The following KAZN variants were observed in gnomAD, a reference collection of about 807,000 sequenced individuals.
KAZN encodes kazrin, periplakin interacting protein, also known as kazrin.
In KAZN, 40 loss-of-function variants were observed where a neutral mutation model predicts 87.4. The observed-to-expected ratio is 0.46, with a 90% CI of 0.36 to 0.60. The LOEUF is 0.60. Ranked by LOEUF, KAZN falls within the 20% of genes least tolerant of loss-of-function variation. The probability of loss-of-function intolerance (pLI) is 0.00; values close to 1 mark genes in which losing one functional copy is unlikely to be tolerated. For synonymous variants in KAZN, 466 were observed against 458.3 expected, an observed-to-expected ratio of 1.02 and a Z score of -0.22; for missense variants, 898 against 1,073.9, an observed-to-expected ratio of 0.84 and a Z score of 2.29.
intron 8 of KAZN, among the ~76,000 whole-genome samples, chr1:15,079,665 C>A (rs1639908586): frequency 6.6e-6 from 1 of 152,098 alleles, no homozygotes; most frequent in South Asian, 2.1e-4. Flanking sequence ...AAGATCCCCC[C>A]CTCACTTCTC....
At chr1:14,303,162 A>G (rs1298295087) in intron 2 of KAZN, among the ~76,000 whole-genome samples, 1 of 152,158 alleles carries the variant, frequency 6.6e-6, no homozygotes, top group Non-Finnish European at 1.5e-5. Flanking sequence ...GTGTTTCACA[A>G]AGTGTGGTCT....
intron 2 of KAZN, among the ~76,000 whole-genome samples, chr1:14,574,616 C>T (rs527848875): frequency 1.3e-5 from 2 of 152,322 alleles, no homozygotes; most frequent in South Asian, 2.1e-4. Flanking sequence ...GACCATTAAA[C>T]CTCTTTTTCT....
chr1:14,632,995 C>A (rs898025207), intron 1 of KAZN, among the ~76,000 whole-genome samples: 1 of 152,096 alleles, frequency 6.6e-6, no homozygotes, highest in Non-Finnish European at 1.5e-5. Context: ...CGGCTCACTG[C>A]AACTTCCGCC....
intron 1 of KAZN, among the ~76,000 whole-genome samples, chr1:14,829,622 A>G (rs60865405): frequency 0.076 from 11,596 of 152,236 alleles, 942 homozygotes; most frequent in African/African-American, 0.2. Context: ...TCCTGTGTGC[A>G]TGTGTTTATT....
chr1:14,377,978 C>T (rs1661050857), intron 2 of KAZN, among the ~76,000 whole-genome samples: 1 of 152,240 alleles, frequency 6.6e-6, no homozygotes, highest in Non-Finnish European at 1.5e-5. Flanking sequence ...CTGACAACCA[C>T]TGGCTTAAAT....
At chr1:14,868,711 G>T (rs1005620921) in intron 1 of KAZN, among the ~76,000 whole-genome samples, 1 of 151,810 alleles carries the variant, frequency 6.6e-6, no homozygotes, top group Non-Finnish European at 1.5e-5. Context: ...AGGCATGGTG[G>T]CGTGTGCCTG....
intron 8 of KAZN, among the ~76,000 whole-genome samples, chr1:15,070,790 G>A (rs1315430418): frequency 2.6e-5 from 4 of 152,170 alleles, no homozygotes; most frequent in East Asian, 1.9e-4. Flanking sequence ...GCAATGAGCC[G>A]AGATCGAGCC....
Position 14,485,720 on chromosome 1 carries a change from C to T in KAZN, c.250-113263C>T, listed in dbSNP as rs143103664. Among the ~76,000 whole-genome samples the T allele has an allele frequency of 6.5e-4, 99 of 152,072 alleles. 1 individual carries two copies. The East Asian group carries it at 0.018, about 28-fold the overall frequency. On this transcript the variant is annotated intron_variant, in intron 2 of 16. Coordinates refer to the KAZN transcript ENST00000636203. Reference sequence around the variant, plus strand: ...CCAGCCTGACCAACATGGTGAAACCCTGTCTCCACTAAAAATACAAAAATT... The same window carrying T: ...CCAGCCTGACCAACATGGTGAAACCTTGTCTCCACTAAAAATACAAAAATT...
intron 1 of KAZN, among the ~76,000 whole-genome samples, chr1:14,133,494 A>G (rs1224858924): frequency 2.0e-5 from 3 of 152,064 alleles, no homozygotes; most frequent in Non-Finnish European, 2.9e-5. Flanking sequence ...TTTCTCCTCT[A>G]TTATCTAGTA....
At chr1:14,447,971 T>G (rs926395725) in intron 2 of KAZN, among the ~76,000 whole-genome samples, 8 of 152,230 alleles carry the variant, frequency 5.3e-5, no homozygotes, top group African/African-American at 1.9e-4. Flanking sequence ...GACCAGGAGC[T>G]GCAGGATAGC....
intron 2 of KAZN, among the ~76,000 whole-genome samples, chr1:14,393,064 G>GCT (rs762209754): frequency 5.3e-5 from 8 of 152,156 alleles, no homozygotes; most frequent in Non-Finnish European, 1.0e-4. Flanking sequence ...TTCTCTGCTG[G>GCT]CTCATTTGTG....
chr1:14,624,029 G>A (rs1193508482), intron 1 of KAZN, among the ~76,000 whole-genome samples: 1 of 152,192 alleles, frequency 6.6e-6, no homozygotes, highest in Non-Finnish European at 1.5e-5. Context: ...AATAGTGTGT[G>A]CTAAAAATAT....
At chr1:15,041,085 A>C (rs960217576) in intron 3 of KAZN, among the ~76,000 whole-genome samples, 5 of 150,176 alleles carry the variant, frequency 3.3e-5, no homozygotes, top group Middle Eastern at 3.5e-3. Flanking sequence ...GGAGTAGCTG[A>C]GAATACAAGC....
rs1393018867 is a variant in KAZN at position 13,924,817 on chromosome 1, T to C, written c.91+31061T>C. Among the ~76,000 whole-genome samples the C allele has an allele frequency of 4.6e-5, 7 of 152,342 alleles. 1 individual carries two copies. The South Asian group carries it at 1.4e-3, about 32-fold the overall frequency. The stretch of plus-strand genomic sequence containing the variant: ...TAAAACGAAGCTGTGTCTGACCACC[T>C]TGGGCACATGTCGTCAGGATCCCCT... On this transcript the variant is annotated intron_variant, in intron 1 of 16. Transcript: ENST00000636203.
In KAZN at chr1:14,996,365, G is replaced by C. The variant is rs1298180741; in HGVS notation, c.418+35490G>C. Among the ~76,000 whole-genome samples, 1 of 152,094 alleles carries C rather than the reference G, an allele frequency of 6.6e-6. No individual in the cohort carries two copies. The highest frequency in any genetic ancestry group is 2.4e-5 in the African/African-American group (1 of 41,420). ...CCTGACACTGGATTTTAACATATTG[G>C]GTTGCTTGGCTGTCCCGGCACATCA... On this transcript the variant is annotated intron_variant, in intron 2 of 14. Coordinates refer to ENST00000376030, the MANE Select transcript of KAZN (RefSeq NM_201628.3). The surrounding 1 kb of genome is among the most constrained non-coding windows in gnomAD (Gnocchi z 5.9).
chr1:15,009,164 C>T lies in KAZN; in HGVS notation c.419-25585C>T, dbSNP rs116553961. ...AGCCTACTGCCCGGGCACTGACTCC[C>T]CAGGTGGCATCCTGGGCACGTCCTG... is the stretch of plus-strand genomic sequence containing the variant. On this transcript the variant is annotated intron_variant, in intron 2 of 14. Transcript: ENST00000376030. Among the ~76,000 whole-genome samples the T allele has an allele frequency of 5.3e-3, 807 of 152,314 alleles. 5 individuals are homozygous for T. The highest frequency in any genetic ancestry group is 0.019 in the African/African-American group (776 of 41,570).
chr1:14,943,025 T>G lies in KAZN; in HGVS notation c.227-17659T>G, dbSNP rs1418677043. 4.8e-3 allele frequency among the ~76,000 whole-genome samples: 659 copies of G among 136,240 alleles called. 44 individuals carry two copies. The highest frequency in any genetic ancestry group is 0.021 in the African/African-American group (617 of 29,876). 89.4% of individuals were successfully genotyped at this position (136,240 alleles called of 152,430 possible). ...TGTGTGTGGTGTGTGTGTGTGTGTGTGTGTGTGTGTGTGTGTGTGTGTGTG... is the reference window on the plus strand; with the variant it reads ...TGTGTGTGGTGTGTGTGTGTGTGTGGGTGTGTGTGTGTGTGTGTGTGTGTG... On this transcript the variant is annotated intron_variant, in intron 1 of 14. Coordinates refer to ENST00000376030, the MANE Select transcript of KAZN (RefSeq NM_201628.3).
At chr1:13,915,254 T>C (rs182236221) in intron 1 of KAZN, among the ~76,000 whole-genome samples, 12 of 152,314 alleles carry the variant, frequency 7.9e-5, no homozygotes, top group Non-Finnish European at 1.8e-4. Flanking sequence ...AGCAACCCTT[T>C]GGGTGGATGA....
chr1:14,467,258 T>C (rs1309306443), intron 2 of KAZN, among the ~76,000 whole-genome samples: 1 of 151,894 alleles, frequency 6.6e-6, no homozygotes, highest in Non-Finnish European at 1.5e-5. Context: ...TTAATTTGAA[T>C]TAGATTGTTT....
Sources: allele counts gnomAD v4.1 joint callset (sites outside exome capture counted in the v4.1 genomes callset), GRCh38; gene constraint gnomAD v4.1.1; non-coding constraint Gnocchi (gnomAD v3.1); transcripts MANE v1.5; gene names NCBI Gene and HGNC (gene_info 2026-07-23, HGNC 2026-07-21).